Variants in CDH2 observed in about 807,000 individuals in gnomAD.
The protein encoded by CDH2 is cadherin-2.
In CDH2, 17 loss-of-function variants were observed where a neutral mutation model predicts 92.0. That is an observed-to-expected ratio of 0.18 (90% CI 0.13 to 0.28). The LOEUF is 0.28. CDH2 is among the 10% of genes least tolerant of loss of function. The pLI, the probability that CDH2 is intolerant of heterozygous loss-of-function variation, is 1.00. For missense variants in CDH2, 862 were observed against 1,133.1 expected, an observed-to-expected ratio of 0.76 and a Z score of 3.44; for synonymous variants, 419 against 415.9, an observed-to-expected ratio of 1.01 and a Z score of -0.09.
At chr18:28,067,730 G>C (rs2014536972) in intron 2 of CDH2, among the ~76,000 whole-genome samples, 1 of 151,964 alleles carries the variant, frequency 6.6e-6, no homozygotes, top group Non-Finnish European at 1.5e-5. Context: ...ATCCAATCAA[G>C]GCATATAAAG....
intron 2 of CDH2, among the ~76,000 whole-genome samples, chr18:28,123,215 C>T (rs2015621239): frequency 6.6e-6 from 1 of 152,024 alleles, no homozygotes; most frequent in Non-Finnish European, 1.5e-5. Context: ...CATAACAATT[C>T]AGAAAGAAAG....
intron 2 of CDH2, among the ~76,000 whole-genome samples, chr18:28,016,673 C>T (rs1174662821): frequency 5.3e-5 from 8 of 152,026 alleles, no homozygotes; most frequent in South Asian, 2.1e-4. Context: ...TGATTTCCAG[C>T]GGTTTACTCC....
intron 13 of CDH2, among the ~76,000 whole-genome samples, chr18:27,984,300 G>C (rs1343695310): frequency 6.6e-6 from 1 of 152,156 alleles, no homozygotes; most frequent in Non-Finnish European, 1.5e-5. Context: ...ATAAAACACA[G>C]GGCCCAGGCA....
chr18:28,072,855 C>T (rs2144171425), intron 2 of CDH2, among the ~76,000 whole-genome samples: 1 of 152,302 alleles, frequency 6.6e-6, no homozygotes, highest in African/African-American at 2.4e-5. Context: ...AAAAATCTAT[C>T]AATGTTCAAA....
At chr18:28,126,930 A>G (rs2015687189) in intron 2 of CDH2, among the ~76,000 whole-genome samples, 1 of 152,140 alleles carries the variant, frequency 6.6e-6, no homozygotes, top group South Asian at 2.1e-4. Flanking sequence ...TCAATAAGGA[A>G]GCGTTCCATG....
chr18:28,016,558 A>T lies in CDH2; in HGVS notation c.173-2649T>A, dbSNP rs548595710. ...CCAGGCACTGAAAAAGACACTTCAG[A>T]TTATGTCACATGTTAACCTTAAAAA... On this transcript the variant is annotated intron_variant, in intron 2 of 15. Coordinates refer to ENST00000269141, the MANE Select transcript of CDH2 (RefSeq NM_001792.5). Among the ~76,000 whole-genome samples the T allele has an allele frequency of 5.3e-5, 8 of 152,282 alleles. No homozygotes were observed. The East Asian group carries it at 1.5e-3, about 29-fold the overall frequency.
intron 2 of CDH2, among the ~76,000 whole-genome samples, chr18:28,044,215 C>CCT (rs1438222934): frequency 1.3e-5 from 2 of 152,076 alleles, no homozygotes. Context: ...GCCCTGCTAG[C>CCT]CTCTTGGACA....
chr18:27,979,220 T>C (rs752891284), intron 14 of CDH2, among the ~76,000 whole-genome samples: 4 of 152,052 alleles, frequency 2.6e-5, no homozygotes, highest in Non-Finnish European at 5.9e-5. Flanking sequence ...ACAAACGTCA[T>C]GAAATAACAT....
chr18:28,053,573 A>C (rs928372028), intron 2 of CDH2, among the ~76,000 whole-genome samples: 1 of 152,184 alleles, frequency 6.6e-6, no homozygotes, highest in Non-Finnish European at 1.5e-5. Context: ...TTAGCTAGTC[A>C]CTGGAAGCAG....
intron 2 of CDH2, among the ~76,000 whole-genome samples, chr18:28,060,974 C>A (rs577693644): frequency 6.6e-6 from 1 of 152,186 alleles, no homozygotes; most frequent in Admixed American, 6.5e-5. Flanking sequence ...TCATACCAAT[C>A]TTACACCTCT....
At chr18:27,977,885 T>C (rs137899097) in intron 14 of CDH2, among the ~76,000 whole-genome samples, 136 of 152,214 alleles carry the variant, frequency 8.9e-4, no homozygotes, top group African/African-American at 3.0e-3. Flanking sequence ...AAGCAATGGA[T>C]AATAAAGATC....
At chr18:28,052,419 G>T (rs185195275) in intron 2 of CDH2, among the ~76,000 whole-genome samples, 67 of 152,232 alleles carry the variant, frequency 4.4e-4, no homozygotes, top group Non-Finnish European at 6.0e-4. Flanking sequence ...AGTGTCCTTT[G>T]TCATTGAAGA....
downstream of CDH2, among the ~76,000 whole-genome samples, chr18:27,947,459 A>C (rs139707216): frequency 1.5e-3 from 228 of 151,954 alleles, no homozygotes; most frequent in African/African-American, 5.2e-3. Flanking sequence ...TTGTTATGGA[A>C]CTTCACAAAA....
intron 2 of CDH2, among the ~76,000 whole-genome samples, chr18:28,061,393 A>AG (rs2014399064): frequency 6.6e-6 from 1 of 152,178 alleles, no homozygotes; most frequent in Non-Finnish European, 1.5e-5. Flanking sequence ...CCTGAAATCA[A>AG]GCACTTTGGG....
intron 1 of CDH2, among the ~76,000 whole-genome samples, chr18:28,170,985 T>C (rs1158117120): frequency 6.6e-6 from 1 of 151,410 alleles, no homozygotes; most frequent in Non-Finnish European, 1.5e-5. Context: ...TCCGAGCACT[T>C]CGGGAGGCCG....
chr18:28,073,045 A>AT (rs570735404), intron 2 of CDH2, among the ~76,000 whole-genome samples: 9 of 151,088 alleles, frequency 6.0e-5, no homozygotes, highest in Non-Finnish European at 1.0e-4. Context: ...GTGGCACAGA[A>AT]TTTTTTTTTT....
intron 1 of CDH2, among the ~76,000 whole-genome samples, chr18:28,167,565 C>CA (rs1293449237): frequency 4.6e-5 from 7 of 151,950 alleles, no homozygotes; most frequent in African/African-American, 1.7e-4. Flanking sequence ...TATAAATGAG[C>CA]AAAAAAATCA....
chr18:28,155,397 T>C (rs994900275), intron 1 of CDH2, among the ~76,000 whole-genome samples: 1 of 152,238 alleles, frequency 6.6e-6, no homozygotes, highest in African/African-American at 2.4e-5. Context: ...GGTATTGTTT[T>C]GATTGTGGAG....
intron 2 of CDH2, among the ~76,000 whole-genome samples, chr18:28,067,145 A>G (rs931287892): frequency 6.6e-6 from 1 of 152,164 alleles, no homozygotes; most frequent in East Asian, 1.9e-4. Context: ...TATGAAATAT[A>G]TATTTTTGTG....
Sources: allele counts gnomAD v4.1 joint callset (sites outside exome capture counted in the v4.1 genomes callset), GRCh38; gene constraint gnomAD v4.1.1; transcripts MANE v1.5; gene names NCBI Gene and HGNC (gene_info 2026-07-23, HGNC 2026-07-21).